Variants in COLEC12 observed in about 807,000 individuals in gnomAD.
COLEC12 encodes the protein collectin subfamily member 12.
COLEC12 carries 33 observed loss-of-function variants against 71.1 expected under a neutral mutation model. The ratio of observed to expected loss-of-function variants is 0.46; its 90% CI spans 0.35 to 0.62. COLEC12 has a LOEUF of 0.62. Ranked by LOEUF, COLEC12 falls within the 20% of genes least tolerant of loss-of-function variation. COLEC12 has a pLI of 0.00. For synonymous variants in COLEC12, 350 were observed against 353.0 expected (o/e 0.99, Z 0.10); for missense variants, 765 against 916.1 (o/e 0.84, Z 2.13).
chr18:409,555 A>G (rs1314149274), intron 2 of COLEC12, among the ~76,000 whole-genome samples: 1 of 152,212 alleles, frequency 6.6e-6, no homozygotes, highest in East Asian at 1.9e-4. Flanking sequence ...CTACTTTCCC[A>G]AAAAAGCAAG....
At chr18:412,070 C>A (rs899603638) in intron 2 of COLEC12, among the ~76,000 whole-genome samples, 1 of 152,140 alleles carries the variant, frequency 6.6e-6, no homozygotes, top group Non-Finnish European at 1.5e-5. Context: ...TGGCTGAACA[C>A]TTCCCAAATT....
rs999685668 is a variant in COLEC12, at chr18:496,274, C to T, written c.7+4234G>A. Among the ~76,000 whole-genome samples the T allele has an allele frequency of 7.9e-5, 12 of 152,098 alleles. No homozygotes were observed. The South Asian group carries it at 2.3e-3, about 29-fold the overall frequency. On this transcript the variant is annotated intron_variant, in intron 1 of 9. Transcript: ENST00000400256. ...CATTATCAGTGGATGAGCCACATGG[C>T]AAAGGGTTGGAGCCATTGGAACAAC...
At chr18:385,682 G>GT (rs1236639688) in intron 2 of COLEC12, among the ~76,000 whole-genome samples, 4 of 152,076 alleles carry the variant, frequency 2.6e-5, no homozygotes, top group South Asian at 4.1e-4. Flanking sequence ...AATTATTTCC[G>GT]TTTTTTCAAT....
intron 3 of COLEC12, among the ~76,000 whole-genome samples, chr18:353,016 C>T (rs1207121534): frequency 1.3e-5 from 2 of 152,240 alleles, no homozygotes; most frequent in Non-Finnish European, 2.9e-5. Flanking sequence ...ACCTGAAGAT[C>T]TGTCCCTCTT....
intron 2 of COLEC12, among the ~76,000 whole-genome samples, chr18:369,459 T>TTTA (rs1914952459): frequency 1.3e-5 from 2 of 150,546 alleles, no homozygotes; most frequent in South Asian, 4.2e-4. Context: ...GTTTTTTTTT[T>TTTA]TTATTATACT....
intron 1 of COLEC12, among the ~76,000 whole-genome samples, chr18:498,328 A>G (rs1917750754): frequency 6.7e-6 from 1 of 149,182 alleles, no homozygotes; most frequent in Non-Finnish European, 1.5e-5. Context: ...CGTGGTAATA[A>G]TTGGTAGGCA....
chr18:419,490 C>A (rs575779699), intron 2 of COLEC12, among the ~76,000 whole-genome samples: 1 of 152,220 alleles, frequency 6.6e-6, no homozygotes, highest in Non-Finnish European at 1.5e-5. Context: ...CAGGTGAGAG[C>A]CACTGTGCCC....
intron 2 of COLEC12, among the ~76,000 whole-genome samples, chr18:365,164 G>A (rs906302175): frequency 3.9e-5 from 6 of 152,174 alleles, no homozygotes; most frequent in Non-Finnish European, 7.4e-5. Context: ...TGTAGTCTCC[G>A]GTGGGTTAAC....
intron 1 of COLEC12, among the ~76,000 whole-genome samples, chr18:488,842 C>T (rs2143786405): frequency 6.6e-6 from 1 of 151,128 alleles, no homozygotes; most frequent in African/African-American, 2.4e-5. Context: ...CACTGCACTC[C>T]AGCCTAGGCG....
Position 337,091 on chromosome 18 carries a change from G to A in COLEC12, c.1328-1861C>T, listed in dbSNP as rs372981636. ...TCACTGTGTTGCCAAGGCTGACCTCGAATTCCTGGCTTCAAGCGATCCTCC... is the reference window on the plus strand; with the variant it reads ...TCACTGTGTTGCCAAGGCTGACCTCAAATTCCTGGCTTCAAGCGATCCTCC... On this transcript the variant is annotated intron_variant, in intron 5 of 9. Coordinates refer to ENST00000400256, the MANE Select transcript of COLEC12 (RefSeq NM_130386.3). Among the ~76,000 whole-genome samples, 14 of 151,590 alleles carry A rather than the reference G, an allele frequency of 9.2e-5. No homozygotes were observed. In the South Asian group the frequency reaches 1.2e-3, roughly 14 times the overall value.
Position 325,664 on chromosome 18 carries a change from AGTCTTGTTCT to A in COLEC12, c.2064-3867_2064-3858del, listed in dbSNP as rs1913825700. ...TTTTTTTTTTTTTTTTTTGAGACAG[AGTCTTGTTCT>A]GTCTCGGAAAAAAGAAAAAAGAAAA... On this transcript the variant is annotated intron_variant, in intron 8 of 9. Coordinates refer to ENST00000400256, the MANE Select transcript of COLEC12 (RefSeq NM_130386.3). 4.7e-5 allele frequency among the ~76,000 whole-genome samples: 3 copies of A among 63,448 alleles called. No individual in the cohort carries two copies. The Admixed American group carries it at 7.4e-4, about 16-fold the overall frequency. The allele number at this position is 63,448 out of a possible 152,430, so 41.6% of individuals were successfully genotyped here. A position where few individuals can be genotyped will look rare whatever the true frequency, so the allele number is the denominator to read the frequency against.
At chr18:433,510 T>C (rs545013740) in intron 2 of COLEC12, among the ~76,000 whole-genome samples, 13 of 152,212 alleles carry the variant, frequency 8.5e-5, no homozygotes, top group African/African-American at 2.6e-4. Context: ...AACTAGACCA[T>C]TGGTTTCTTA....
Position 362,237 on chromosome 18 carries a change from C to T in COLEC12, c.59-4715G>A, listed in dbSNP as rs1391441149. 6.6e-6 allele frequency among the ~76,000 whole-genome samples: 1 copy of T among 152,208 alleles called. No individual in the cohort carries two copies. The highest frequency in any genetic ancestry group is 1.5e-5 in the Non-Finnish European group (1 of 68,032). On this transcript the variant is annotated intron_variant, in intron 2 of 9. Transcript: ENST00000400256. This position sits in a 1 kb window ranked among gnomAD's most constrained non-coding sequence, Gnocchi z 4.6. ...ACTTCCTCACCGTGTGCATTTCTCA[C>T]TGCTGACTCTATCAGCATTTAATCA... is the stretch of plus-strand genomic sequence containing the variant.
At chr18:457,202 T>C (rs1916890123) in intron 2 of COLEC12, among the ~76,000 whole-genome samples, 1 of 152,182 alleles carries the variant, frequency 6.6e-6, no homozygotes, top group Non-Finnish European at 1.5e-5. Flanking sequence ...CGAACAGGCC[T>C]GACTGGGATT....
intron 2 of COLEC12, among the ~76,000 whole-genome samples, chr18:371,291 C>G (rs1023393218): frequency 3.3e-5 from 5 of 152,168 alleles, no homozygotes; most frequent in Admixed American, 3.3e-4. Flanking sequence ...CTAGGGTATA[C>G]AGAGCCCCAG....
intron 2 of COLEC12, among the ~76,000 whole-genome samples, chr18:455,652 C>T (rs1422054939): frequency 6.6e-6 from 1 of 151,698 alleles, no homozygotes; most frequent in Non-Finnish European, 1.5e-5. Context: ...CCTTTGCCCC[C>T]CCCTCCCCTG....
intron 1 of COLEC12, among the ~76,000 whole-genome samples, chr18:483,910 C>T (rs939854311): frequency 6.6e-6 from 1 of 152,222 alleles, no homozygotes; most frequent in African/African-American, 2.4e-5. Context: ...GGTACCCAGA[C>T]ATCCGTGCCC....
intron 2 of COLEC12, among the ~76,000 whole-genome samples, chr18:395,500 G>A (rs531958994): frequency 4.6e-5 from 7 of 152,262 alleles, no homozygotes; most frequent in African/African-American, 1.7e-4. Flanking sequence ...CTTTTCAAAC[G>A]ATAGAAACAG....
chr18:441,157 A>G (rs908799703), intron 2 of COLEC12, among the ~76,000 whole-genome samples: 22 of 148,418 alleles, frequency 1.5e-4, no homozygotes, highest in Admixed American at 4.8e-4. Context: ...CTGAGGCAGG[A>G]GAATGGCGTG....
Sources: gnomAD v4.1 joint callset for allele counts (sites outside exome capture counted in the v4.1 genomes callset) on GRCh38, gnomAD v4.1.1 for gene constraint, Gnocchi (gnomAD v3.1) non-coding constraint, MANE v1.5 for transcripts, NCBI Gene and HGNC (gene_info 2026-07-23, HGNC 2026-07-21) for gene names.